The following ACCSL variants were observed in gnomAD, a reference collection of about 807,000 sequenced individuals.
ACCSL encodes the protein 1-aminocyclopropane-1-carboxylate synthase homolog (inactive) like.
Under a neutral mutation model 61.7 loss-of-function variants are expected in ACCSL, and 55 were observed. That is an observed-to-expected ratio of 0.89 (90% confidence interval 0.72 to 1.12). The LOEUF (loss-of-function observed/expected upper bound fraction) is 1.12. Ranked by LOEUF, ACCSL falls within the 50% of genes most tolerant of loss-of-function variation. ACCSL has a pLI of 0.00. For missense variants in ACCSL, 632 were observed against 698.0 expected, an observed-to-expected ratio of 0.91 and a Z score of 1.07; for synonymous variants, 258 against 264.3, an observed-to-expected ratio of 0.98 and a Z score of 0.23.
chr11:44,013,306 G>T, the ACCSL span, among the ~76,000 whole-genome samples: 2 of 152,072 alleles, frequency 1.3e-5, no homozygotes, highest in African/African-American at 4.8e-5. Context: ...ACAAGATCTT[G>T]CCCTGTCACC....
At chr11:44,035,341 G>A in the ACCSL span, among the ~76,000 whole-genome samples, 15 of 152,042 alleles carry the variant, frequency 9.9e-5, no homozygotes, top group South Asian at 3.1e-3. Flanking sequence ...ATAAATACTT[G>A]TTGAGTGAAT....
At chr11:44,034,115 G>A in the ACCSL span, among the ~76,000 whole-genome samples, 82 of 152,068 alleles carry the variant, frequency 5.4e-4, 1 homozygote, top group Admixed American at 2.6e-4. Flanking sequence ...CTTTGGGGGC[G>A]TCTAATGCAA....
At chr11:43,973,431 TATC>T in the ACCSL span, among the ~76,000 whole-genome samples, 1 of 151,100 alleles carries the variant, frequency 6.6e-6, no homozygotes, top group South Asian at 2.1e-4. Flanking sequence ...TCTATCTATC[TATC>T]TATCTATCTA....
the ACCSL span, among the ~76,000 whole-genome samples, chr11:44,035,086 G>T: frequency 2.6e-5 from 4 of 152,086 alleles, no homozygotes; most frequent in African/African-American, 9.7e-5. Flanking sequence ...ATCCATGTAG[G>T]TTCCTCCTTT....
chr11:43,997,301 G>A, the ACCSL span, among the ~76,000 whole-genome samples: 781 of 152,234 alleles, frequency 5.1e-3, 5 homozygotes, highest in Non-Finnish European at 9.2e-3. Context: ...ACTGTTTCTT[G>A]AAAACCCCCT....
At position 44,056,053 on chromosome 11, in the gene ACCSL, A is replaced by T; in HGVS notation, c.1153A>T (p.Asn385Tyr). The change falls in exon 10 of 14, where the codon AAC becomes TAC. Residue 385 changes from asparagine to tyrosine, a missense_variant. Asn to Tyr is a moderately radical substitution (Grantham distance 143). Transcript: ENST00000378832. ...ILSMKSLPDS[N>Y]RTHVIWGTSK... ...CTTCTTCTTCAGTTTGCCTGATAGC[A>T]ACAGGACCCATGTGATCTGGGGTAC... 6.2e-7 allele frequency: 1 copy of T among 1,614,218 alleles called. No homozygotes were observed. Among genetic ancestry groups the T allele is most frequent in the Admixed American group, 1.7e-5 (1 of 60,020 alleles).
chr11:43,996,945 T>C, the ACCSL span, among the ~76,000 whole-genome samples: 2 of 152,014 alleles, frequency 1.3e-5, no homozygotes, highest in East Asian at 1.9e-4. Context: ...CCCAAATAGC[T>C]GGGATTACAG....
At chr11:43,940,334 G>A in the ACCSL span, among the ~76,000 whole-genome samples, 3 of 151,300 alleles carry the variant, frequency 2.0e-5, no homozygotes, top group African/African-American at 7.3e-5. Flanking sequence ...ATGCCTTACT[G>A]TTGCCCTTAG....
chr11:43,943,390 G>C, the ACCSL span: 1 of 1,393,238 alleles, frequency 7.2e-7, no homozygotes, highest in African/African-American at 1.5e-5. The surrounding 1 kb of genome is among the most constrained non-coding windows in gnomAD (Gnocchi z 4.8). Context: ...CGGGACCGCC[G>C]CTCCTCGCGC....
chr11:43,924,496 C>T, the ACCSL span, among the ~76,000 whole-genome samples: 3 of 152,342 alleles, frequency 2.0e-5, no homozygotes, highest in East Asian at 1.9e-4. Context: ...TGCTGCTCCC[C>T]GCAGGAAGGA....
chr11:44,043,785 A>T (rs1952586258), upstream of ACCSL, among the ~76,000 whole-genome samples: 2 of 151,986 alleles, frequency 1.3e-5, 1 homozygote, highest in South Asian at 4.2e-4. Flanking sequence ...TAGTAATTTT[A>T]TCTTTAGAGG....
At chr11:43,978,711 T>C in the ACCSL span, among the ~76,000 whole-genome samples, 19 of 151,144 alleles carry the variant, frequency 1.3e-4, no homozygotes, top group African/African-American at 4.6e-4. Flanking sequence ...CTGGGATTGA[T>C]GGAACATCTC....
In ACCSL at chr11:44,050,424, G is replaced by A. The variant is rs539457635; in HGVS notation, c.565-128G>A. ...CTCCATTCATTAAGGAGCATGCAGT[G>A]TATATACCCATTCCCTTTCTAGGAG... On this transcript the variant is annotated intron_variant, in intron 2 of 13. Coordinates refer to ENST00000378832, the MANE Select transcript of ACCSL (RefSeq NM_001031854.2). 23 of 791,366 alleles carry A rather than the reference G, an allele frequency of 2.9e-5. No individual in the cohort carries two copies. In the East Asian group the frequency reaches 4.1e-4, roughly 14 times the overall value. 49.0% of individuals were successfully genotyped at this position (791,366 alleles called of 1,614,324 possible). A position where few individuals can be genotyped will look rare whatever the true frequency, so the allele number is the denominator to read the frequency against.
chr11:44,058,558 T>C lies in ACCSL; in HGVS notation c.1483T>C (p.Cys495Arg), dbSNP rs866577160. The change falls in exon 13 of 14, where the codon TGT (cysteine) becomes CGT (arginine). Residue 495 changes from cysteine to arginine, a missense_variant. By Grantham distance (180) the Cys-to-Arg change is radical. Transcript: ENST00000378832. ...WINLKKYLDP[C>R]TFEEERLLYC... is the part of the protein sequence containing the mutation. ...CTGCCCTCCCTAGTACCTGGATCCC[T>C]GTACATTTGAAGAAGAACGGCTCCT... The C allele has an allele frequency of 2.5e-6, 4 of 1,613,962 alleles. No individual in the cohort carries two copies. Among genetic ancestry groups the C allele is most frequent in the Admixed American group, 1.7e-5 (1 of 59,990 alleles).
intron 1 of ACCSL, among the ~76,000 whole-genome samples, chr11:44,049,568 C>T (rs1004638072): frequency 2.2e-4 from 33 of 151,856 alleles, no homozygotes; most frequent in Middle Eastern, 3.2e-3. Flanking sequence ...CTGTTCCTAT[C>T]TCTGTTCTCC....
chr11:44,012,469 T>G, the ACCSL span, among the ~76,000 whole-genome samples: 1 of 152,108 alleles, frequency 6.6e-6, no homozygotes, highest in Non-Finnish European at 1.5e-5. Flanking sequence ...GTATTTTTCG[T>G]AGAAACGGGG....
At chr11:43,947,734 A>C in the ACCSL span, among the ~76,000 whole-genome samples, 1 of 54,998 alleles carries the variant, frequency 1.8e-5, no homozygotes, top group Non-Finnish European at 3.6e-5. Context: ...ACACTGAGAC[A>C]GTGAAAGAGA....
At chr11:43,939,748 A>G in the ACCSL span, among the ~76,000 whole-genome samples, 19 of 152,206 alleles carry the variant, frequency 1.2e-4, 1 homozygote, top group Non-Finnish European at 2.5e-4. Flanking sequence ...CTGGGATTAC[A>G]GGCACCTGCC....
the ACCSL span, among the ~76,000 whole-genome samples, chr11:43,932,310 C>G: frequency 6.6e-6 from 1 of 152,130 alleles, no homozygotes; most frequent in Non-Finnish European, 1.5e-5. Flanking sequence ...TTCTGTCACC[C>G]AGGCTGGAGT....
Sources: gnomAD v4.1 joint callset for allele counts (sites outside exome capture counted in the v4.1 genomes callset) on GRCh38, gnomAD v4.1.1 for gene constraint, Gnocchi (gnomAD v3.1) non-coding constraint, MANE v1.5 for transcripts, NCBI Gene and HGNC (gene_info 2026-07-23, HGNC 2026-07-21) for gene names.